WDPCP: variants seen among roughly 807,000 people sequenced by gnomAD.
WDPCP encodes the protein WD repeat-containing and planar cell polarity effector protein fritz homolog.
WDPCP carries 71 observed loss-of-function variants against 93.1 expected under a neutral mutation model. That is an observed-to-expected ratio of 0.76 (90% confidence interval 0.63 to 0.93). The LOEUF (loss-of-function observed/expected upper bound fraction) is 0.93. WDPCP is among the 40% of genes least tolerant of loss of function. WDPCP has a pLI of 0.00. For synonymous variants in WDPCP, 315 were observed against 315.0 expected (o/e 1.00, Z 0.00); for missense variants, 844 against 887.4 (o/e 0.95, Z 0.62).
chr2:63,586,516 G>T (rs1052941202), intron 1 of WDPCP, among the ~76,000 whole-genome samples: 3 of 152,198 alleles, frequency 2.0e-5, no homozygotes, highest in African/African-American at 4.8e-5. Flanking sequence ...CGGTTCAAAA[G>T]GAAGAGAACA....
intron 14 of WDPCP, among the ~76,000 whole-genome samples, chr2:63,212,034 G>T (rs184471558): frequency 4.3e-4 from 66 of 152,270 alleles, no homozygotes; most frequent in African/African-American, 1.5e-3. Context: ...GAACCAACTT[G>T]GAAAACACTC....
chr2:63,746,543 T>C (rs963766139), intron 2 of WDPCP, among the ~76,000 whole-genome samples: 1 of 152,058 alleles, frequency 6.6e-6, no homozygotes, highest in Non-Finnish European at 1.5e-5. Context: ...CTGAATTCTT[T>C]CCCCAGTAAG....
At chr2:63,429,222 A>G (rs917092863) in intron 9 of WDPCP, among the ~76,000 whole-genome samples, 3 of 152,166 alleles carry the variant, frequency 2.0e-5, no homozygotes, top group African/African-American at 7.2e-5. Context: ...TAAAGGTAAG[A>G]CCTCAAACTA....
chr2:63,573,615 G>T (rs1331841834), intron 1 of WDPCP, among the ~76,000 whole-genome samples: 2 of 152,050 alleles, frequency 1.3e-5, no homozygotes, highest in African/African-American at 2.4e-5. Context: ...TGCGTTAACT[G>T]CACAAATTGT....
chr2:63,293,233 C>A (rs1409240760), intron 13 of WDPCP, among the ~76,000 whole-genome samples: 1 of 152,156 alleles, frequency 6.6e-6, no homozygotes, highest in Non-Finnish European at 1.5e-5. Flanking sequence ...TGAAATGCAA[C>A]TGCATATATG....
At chr2:63,581,620 T>C (rs1294099283) in intron 1 of WDPCP, among the ~76,000 whole-genome samples, 2 of 152,202 alleles carry the variant, frequency 1.3e-5, no homozygotes, top group Admixed American at 6.5e-5. Flanking sequence ...TAATATTTAA[T>C]AAATCTTAAA....
At chr2:63,798,089 C>T (rs1244244734) in intron 2 of WDPCP, among the ~76,000 whole-genome samples, 2 of 152,122 alleles carry the variant, frequency 1.3e-5, no homozygotes, top group Admixed American at 1.3e-4. Context: ...TGAAAATATC[C>T]TTCAAACATG....
rs567735686 is a variant in WDPCP at position 63,326,354 on chromosome 2, G to A, written c.1749-13043C>T. Among the ~76,000 whole-genome samples the A allele has an allele frequency of 5.9e-5, 9 of 152,244 alleles. No homozygotes were observed. The South Asian group carries it at 6.2e-4, about 11-fold the overall frequency. ...TTAACCTATATGTTGATGGAGGTTC[G>A]TTTGTGGAGAGTGGGATGCAAAGGG... On this transcript the variant is annotated intron_variant, in intron 12 of 17. Transcript: ENST00000272321.
intron 2 of WDPCP, among the ~76,000 whole-genome samples, chr2:63,758,171 A>AT (rs1669997001): frequency 6.6e-6 from 1 of 151,928 alleles, no homozygotes; most frequent in African/African-American, 2.4e-5. Context: ...AAAATTTAAT[A>AT]AAGTCAACCA....
chr2:63,154,854 C>T (rs746329511), intron 15 of WDPCP, among the ~76,000 whole-genome samples: 3 of 152,156 alleles, frequency 2.0e-5, no homozygotes, highest in Non-Finnish European at 2.9e-5. Flanking sequence ...AATAGGTGTA[C>T]AGAGGTATCT....
chr2:63,154,081 A>G (rs190784570), intron 15 of WDPCP, among the ~76,000 whole-genome samples: 226 of 152,126 alleles, frequency 1.5e-3, no homozygotes, highest in Non-Finnish European at 2.7e-3. Context: ...GTATCTTTTA[A>G]AAAAATAAAA....
intron 1 of WDPCP, among the ~76,000 whole-genome samples, chr2:63,575,566 C>CTG (rs1708050600): frequency 2.4e-5 from 3 of 126,784 alleles, no homozygotes; most frequent in Admixed American, 7.9e-5. Context: ...AGTATATATA[C>CTG]TATATAACTA....
intron 2 of WDPCP, among the ~76,000 whole-genome samples, chr2:63,749,439 T>G (rs1230838668): frequency 6.6e-6 from 1 of 152,122 alleles, no homozygotes; most frequent in East Asian, 1.9e-4. Flanking sequence ...TTTATAGTGG[T>G]GCAAAGGTGA....
At chr2:63,398,414 T>A (rs1055015428) in intron 10 of WDPCP, among the ~76,000 whole-genome samples, 1 of 152,214 alleles carries the variant, frequency 6.6e-6, no homozygotes, top group Non-Finnish European at 1.5e-5. Context: ...ACAACATTTC[T>A]TGGCTTCCAT....
At chr2:63,127,694 TAC>T (rs1491255370) in intron 17 of WDPCP, among the ~76,000 whole-genome samples, 36 of 130,918 alleles carry the variant, frequency 2.7e-4, no homozygotes, top group South Asian at 5.1e-4. Context: ...TATATATATA[TAC>T]GCACACACAC....
At chr2:63,523,534 T>C (rs1703093980) in intron 1 of WDPCP, among the ~76,000 whole-genome samples, 1 of 152,186 alleles carries the variant, frequency 6.6e-6, no homozygotes, top group African/African-American at 2.4e-5. Context: ...GCAGATGATA[T>C]GATTCTATAC....
chr2:63,751,133 A>T (rs906108915), intron 2 of WDPCP, among the ~76,000 whole-genome samples: 3 of 152,168 alleles, frequency 2.0e-5, no homozygotes, highest in Non-Finnish European at 2.9e-5. Flanking sequence ...ATTTAATTTT[A>T]AAAATGGATA....
At chr2:63,355,888 A>G (rs1036038314) in intron 12 of WDPCP, among the ~76,000 whole-genome samples, 5 of 152,302 alleles carry the variant, frequency 3.3e-5, no homozygotes, top group African/African-American at 9.6e-5. Context: ...ACTCTGTCTC[A>G]AAAAACAAAC....
chr2:63,830,271 A>T (rs1435287855), upstream of WDPCP, among the ~76,000 whole-genome samples: 1 of 152,042 alleles, frequency 6.6e-6, no homozygotes, highest in Non-Finnish European at 1.5e-5. Flanking sequence ...TTTATTGCAC[A>T]CCTTCAACAG....
Sources: gnomAD v4.1 joint callset for allele counts (sites outside exome capture counted in the v4.1 genomes callset) on GRCh38, gnomAD v4.1.1 for gene constraint, MANE v1.5 for transcripts, NCBI Gene and HGNC (gene_info 2026-07-23, HGNC 2026-07-21) for gene names.